Variants in MACROD2 observed in about 807,000 individuals in gnomAD.
The protein encoded by MACROD2 is ADP-ribose glycohydrolase MACROD2.
In MACROD2, 36 loss-of-function variants were observed where a neutral mutation model predicts 70.4. The observed-to-expected ratio is 0.51, with a 90% CI of 0.39 to 0.68. The LOEUF (loss-of-function observed/expected upper bound fraction) is 0.68, where lower values mean the gene tolerates loss of function less well. Among genes scored for constraint, MACROD2 ranks in the 30% least tolerant of loss-of-function variants. The probability of loss-of-function intolerance (pLI) is 0.00; values close to 1 mark genes in which losing one functional copy is unlikely to be tolerated. For synonymous variants in MACROD2, 172 were observed against 178.8 expected, an observed-to-expected ratio of 0.96 and a Z score of 0.30; for missense variants, 496 against 538.4, an observed-to-expected ratio of 0.92 and a Z score of 0.78.
rs1467615501 is a variant in MACROD2 at position 16,008,933 on chromosome 20, A to G, written c.1153+21775A>G. On this transcript the variant is annotated intron_variant, in intron 15 of 17. Coordinates refer to ENST00000684519, the MANE Select transcript of MACROD2 (RefSeq NM_001351661.2). ...ACATTCAAGTTACTTTCATCCTCTA[A>G]GTGCGCCCAAGCTAGAAGTCCAGTA... Among the ~76,000 whole-genome samples, 3 of 152,170 alleles carry G rather than the reference A, an allele frequency of 2.0e-5. No homozygotes were observed. The East Asian group carries it at 5.8e-4, about 29-fold the overall frequency.
chr20:14,361,658 G>A (rs1345629391), intron 3 of MACROD2, among the ~76,000 whole-genome samples: 5 of 152,118 alleles, frequency 3.3e-5, no homozygotes, highest in Admixed American at 1.3e-4. Context: ...AGGTGGAAAG[G>A]GTGAACAGGG....
At chr20:15,311,210 ATGAAAAAAAAGGCATAAT>A in intron 6 of MACROD2, among the ~76,000 whole-genome samples, 1 of 152,294 alleles carries the variant, frequency 6.6e-6, no homozygotes, top group East Asian at 1.9e-4. Context: ...AGTATTAATG[ATGAAAAAAAAGGCATAAT>A]TTTTAAGAAC....
chr20:14,119,310 G>A lies in MACROD2; in HGVS notation c.271+33582G>A, dbSNP rs189373818. ...AGCCTCCCAAGTAGCTGGGATTACC[G>A]GCGCCTGCCACCACACCTGGCTAAT... On this transcript the variant is annotated intron_variant, in intron 3 of 17. Coordinates refer to ENST00000684519, the MANE Select transcript of MACROD2 (RefSeq NM_001351661.2). Among the ~76,000 whole-genome samples, 36 of 151,350 alleles carry A rather than the reference G, an allele frequency of 2.4e-4. No individual in the cohort carries two copies. The East Asian group carries it at 6.6e-3, about 28-fold the overall frequency.
intron 8 of MACROD2, among the ~76,000 whole-genome samples, chr20:15,841,136 G>C (rs376130470): frequency 6.6e-6 from 1 of 152,228 alleles, no homozygotes; most frequent in East Asian, 1.9e-4. Context: ...TGCTGGCCTT[G>C]ATCATGGGTG....
rs1408426024 is a variant in MACROD2 at position 16,050,900 on chromosome 20, G to C, written c.*1024G>C. On this transcript the variant is annotated 3_prime_UTR_variant, in exon 18 of 18. Coordinates refer to ENST00000684519, the MANE Select transcript of MACROD2 (RefSeq NM_001351661.2). The stretch of plus-strand genomic sequence containing the variant: ...GCTTGCAGTTCTGCCTTCCTGGCCT[G>C]TGTTTAAATGCTGTCACTTGTTTAT... The C allele has an allele frequency of 6.6e-6, 1 of 152,264 alleles. No individual in the cohort carries two copies. The highest frequency in any genetic ancestry group is 6.5e-5 in the Admixed American group (1 of 15,272). 9.4% of individuals were successfully genotyped at this position (152,264 alleles called of 1,614,324 possible). A position where few individuals can be genotyped will look rare whatever the true frequency, so the allele number is the denominator to read the frequency against.
rs73597706 is a variant in MACROD2, at chr20:15,899,260, A to G, written c.775+13449A>G. Among the ~76,000 whole-genome samples the G allele has an allele frequency of 3.9e-3, 590 of 152,180 alleles. 2 individuals carry two copies. Among genetic ancestry groups the G allele is most frequent in the South Asian group, 0.023 (113 of 4,828 alleles). The stretch of plus-strand genomic sequence containing the variant: ...TATGTGTGTATATGTACACACGTGT[A>G]TATATGTATCTTTACATACATACAG... On this transcript the variant is annotated intron_variant, in intron 10 of 17. Transcript: ENST00000684519.
At chr20:14,941,350 T>C (rs1335096407) in intron 5 of MACROD2, among the ~76,000 whole-genome samples, 1 of 151,994 alleles carries the variant, frequency 6.6e-6, no homozygotes, top group African/African-American at 2.4e-5. Context: ...CCCTCTGGGG[T>C]ATTTCTTCCT....
chr20:15,925,826 G>A (rs973488174), intron 10 of MACROD2, among the ~76,000 whole-genome samples: 1 of 152,148 alleles, frequency 6.6e-6, no homozygotes, highest in South Asian at 2.1e-4. Context: ...CATGGACAAT[G>A]CTGTTTTGAG....
At chr20:15,605,348 A>G (rs555362181) in intron 8 of MACROD2, among the ~76,000 whole-genome samples, 2 of 152,096 alleles carry the variant, frequency 1.3e-5, no homozygotes, top group African/African-American at 4.8e-5. Context: ...AATTTCCCAC[A>G]GTTGCCATAG....
At chr20:15,048,652 G>T (rs1046314211) in intron 5 of MACROD2, among the ~76,000 whole-genome samples, 1 of 152,102 alleles carries the variant, frequency 6.6e-6, no homozygotes, top group African/African-American at 2.4e-5. Flanking sequence ...TCCTGAAAGA[G>T]TAGCCTTTAA....
chr20:15,073,866 T>C (rs1339406397), intron 5 of MACROD2, among the ~76,000 whole-genome samples: 20 of 152,206 alleles, frequency 1.3e-4, no homozygotes, highest in Admixed American at 1.3e-3. Flanking sequence ...ACATTTGTCA[T>C]ATAGACTTGT....
At chr20:14,180,502 A>G (rs1024689497) in intron 3 of MACROD2, among the ~76,000 whole-genome samples, 1 of 152,042 alleles carries the variant, frequency 6.6e-6, no homozygotes, top group Non-Finnish European at 1.5e-5. Context: ...ATCTGTTTTT[A>G]TTCTTTTGTT....
intron 12 of MACROD2, among the ~76,000 whole-genome samples, chr20:15,939,830 C>T (rs568001807): frequency 2.6e-5 from 4 of 152,074 alleles, no homozygotes; most frequent in African/African-American, 4.8e-5. Flanking sequence ...AAAATATCAA[C>T]GTTAACAAGG....
chr20:15,246,508 A>AT (rs542370897), intron 6 of MACROD2, among the ~76,000 whole-genome samples: 94 of 151,474 alleles, frequency 6.2e-4, no homozygotes, highest in Middle Eastern at 3.4e-3. Context: ...CCATCTTTTT[A>AT]TTTTTTTTTA....
intron 4 of MACROD2, among the ~76,000 whole-genome samples, chr20:14,624,266 T>C (rs1984003833): frequency 6.6e-6 from 1 of 152,160 alleles, no homozygotes; most frequent in Non-Finnish European, 1.5e-5. Context: ...TGAGACACGT[T>C]AAGAAGGAAA....
chr20:15,094,973 A>G (rs890608911), intron 5 of MACROD2, among the ~76,000 whole-genome samples: 1 of 151,356 alleles, frequency 6.6e-6, no homozygotes, highest in Non-Finnish European at 1.5e-5. Flanking sequence ...GCAAGTCACT[A>G]AGGTCTCTGG....
At chr20:15,095,490 T>C (rs1281170342) in intron 5 of MACROD2, among the ~76,000 whole-genome samples, 3 of 151,968 alleles carry the variant, frequency 2.0e-5, no homozygotes, top group African/African-American at 7.3e-5. Flanking sequence ...GATTTATAGT[T>C]TTTTGTTTTG....
chr20:15,966,474 G>T (rs1448014955), intron 12 of MACROD2, among the ~76,000 whole-genome samples: 3 of 152,170 alleles, frequency 2.0e-5, no homozygotes, highest in Admixed American at 6.5e-5. Flanking sequence ...AGGTGTGATG[G>T]CTCACACCTA....
chr20:15,104,258 T>G (rs1462478240), intron 5 of MACROD2, among the ~76,000 whole-genome samples: 2 of 152,060 alleles, frequency 1.3e-5, no homozygotes, highest in African/African-American at 2.4e-5. Flanking sequence ...AAAGAAATAG[T>G]ATGATAGTAG....
Sources: allele counts gnomAD v4.1 joint callset (sites outside exome capture counted in the v4.1 genomes callset), GRCh38; gene constraint gnomAD v4.1.1; transcripts MANE v1.5; gene names NCBI Gene and HGNC (gene_info 2026-07-23, HGNC 2026-07-21).